The following SHISA9 variants were observed in gnomAD, a reference collection of about 807,000 sequenced individuals.
The protein encoded by SHISA9 is protein shisa-9.
SHISA9 carries 13 observed loss-of-function variants against 38.0 expected under a neutral mutation model. The ratio of observed to expected loss-of-function variants is 0.34; its 90% confidence interval spans 0.22 to 0.54. The LOEUF is 0.54. Ranked by LOEUF, SHISA9 falls within the 20% of genes least tolerant of loss-of-function variation. The pLI is 0.91. For missense variants in SHISA9, 538 were observed against 575.8 expected, an observed-to-expected ratio of 0.93 and a Z score of 0.67; for synonymous variants, 275 against 242.0, an observed-to-expected ratio of 1.14 and a Z score of -1.27.
At chr16:13,518,990 C>T in the SHISA9 span, among the ~76,000 whole-genome samples, 2 of 152,104 alleles carry the variant, frequency 1.3e-5, no homozygotes, top group East Asian at 1.9e-4. Flanking sequence ...ATGGGCTGAT[C>T]GCCTCTCATT....
chr16:13,426,826 T>C, the SHISA9 span, among the ~76,000 whole-genome samples: 1 of 152,234 alleles, frequency 6.6e-6, no homozygotes, highest in South Asian at 2.1e-4. Context: ...TTGACAGTAA[T>C]TAAACACTTC....
intron 2 of SHISA9, among the ~76,000 whole-genome samples, chr16:13,009,967 A>G (rs1051666312): frequency 6.6e-6 from 1 of 152,178 alleles, no homozygotes; most frequent in Non-Finnish European, 1.5e-5. Flanking sequence ...ATTTGAGGTC[A>G]GGAGTTTGAC....
intron 2 of SHISA9, among the ~76,000 whole-genome samples, chr16:13,139,032 T>A (rs898398671): frequency 1.3e-5 from 2 of 152,208 alleles, no homozygotes; most frequent in African/African-American, 4.8e-5. Context: ...GGGTACTAAG[T>A]TGCGAATTAG....
chr16:13,498,436 A>C, the SHISA9 span, among the ~76,000 whole-genome samples: 1 of 152,176 alleles, frequency 6.6e-6, no homozygotes, highest in Non-Finnish European at 1.5e-5. Flanking sequence ...TCCTTTACAC[A>C]ATAATTCTTC....
the SHISA9 span, among the ~76,000 whole-genome samples, chr16:13,491,995 C>G: frequency 6.6e-6 from 1 of 151,286 alleles, no homozygotes; most frequent in Non-Finnish European, 1.5e-5. Flanking sequence ...GGATTTTAAA[C>G]CAGAGCTAGT....
chr16:13,349,757 A>T, the SHISA9 span, among the ~76,000 whole-genome samples: 1 of 152,238 alleles, frequency 6.6e-6, no homozygotes, highest in Non-Finnish European at 1.5e-5. Flanking sequence ...TCTTAGAATC[A>T]TGAAGGTGTA....
chr16:13,067,219 T>C (rs2073445949), intron 2 of SHISA9, among the ~76,000 whole-genome samples: 1 of 152,220 alleles, frequency 6.6e-6, no homozygotes, highest in Non-Finnish European at 1.5e-5. Flanking sequence ...CTGGTCCTGA[T>C]GCAGGAGAAA....
At chr16:12,983,166 C>CAG (rs1161255642) in intron 2 of SHISA9, among the ~76,000 whole-genome samples, 2 of 152,168 alleles carry the variant, frequency 1.3e-5, no homozygotes, top group African/African-American at 4.8e-5. Flanking sequence ...AGCCAGGCTG[C>CAG]AGAGAGAAGT....
chr16:12,949,906 G>T (rs1158279783), intron 2 of SHISA9, among the ~76,000 whole-genome samples: 2 of 152,016 alleles, frequency 1.3e-5, no homozygotes, highest in Admixed American at 6.5e-5. Context: ...TTTGATATAT[G>T]TAATAAATTG....
chr16:13,290,529 G>T, the SHISA9 span, among the ~76,000 whole-genome samples: 2 of 152,242 alleles, frequency 1.3e-5, no homozygotes, highest in East Asian at 1.9e-4. Context: ...TGAGTTTGTC[G>T]TGTTTCCTGT....
the SHISA9 span, among the ~76,000 whole-genome samples, chr16:13,422,804 C>A: frequency 4.8e-3 from 732 of 152,336 alleles, 4 homozygotes; most frequent in Non-Finnish European, 9.0e-3. Context: ...CTGTAATTTT[C>A]ATGACCTTGT....
chr16:13,339,040 C>A, the SHISA9 span, among the ~76,000 whole-genome samples: 1 of 152,086 alleles, frequency 6.6e-6, no homozygotes, highest in Admixed American at 6.6e-5. Flanking sequence ...TGTCACCTGT[C>A]CCCTTGCTGA....
At position 12,927,185 on chromosome 16, in the gene SHISA9, A is replaced by G. The variant is rs186458643; in HGVS notation, c.691+10370A>G. The stretch of plus-strand genomic sequence containing the variant: ...ATAATAAGGTTTTAGGAAACTGCCA[A>G]AAAGAAAAATCCCAATAAGCATTCT... On this transcript the variant is annotated intron_variant, in intron 2 of 4. Transcript: ENST00000558583. Among the ~76,000 whole-genome samples the G allele has an allele frequency of 5.9e-5, 9 of 152,340 alleles. No homozygotes were observed. In the East Asian group the frequency reaches 1.7e-3, roughly 29 times the overall value.
intron 4 of SHISA9, 43 bp from the exon 5 acceptor site, chr16:13,234,987 T>TC (rs1555474321): frequency 2.7e-6 from 4 of 1,490,458 alleles, no homozygotes; most frequent in African/African-American, 1.4e-5. Context: ...TCTCTCTCTC[T>TC]TCTCTTTCTT....
intron 2 of SHISA9, among the ~76,000 whole-genome samples, chr16:13,190,165 G>A (rs1033594931): frequency 2.6e-5 from 4 of 151,174 alleles, no homozygotes; most frequent in African/African-American, 9.7e-5. Flanking sequence ...GTGCCATGCT[G>A]GTGCGCTGCA....
intron 2 of SHISA9, among the ~76,000 whole-genome samples, chr16:12,967,016 T>C (rs1164529382): frequency 6.6e-6 from 1 of 152,210 alleles, no homozygotes; most frequent in African/African-American, 2.4e-5. Flanking sequence ...GGTCCTGTTC[T>C]AGAACTAGGA....
intron 2 of SHISA9, among the ~76,000 whole-genome samples, chr16:13,080,199 C>A (rs2141934467): frequency 6.6e-6 from 1 of 152,124 alleles, no homozygotes; most frequent in East Asian, 1.9e-4. Context: ...TGGTGAAACC[C>A]CATCTCTACT....
chr16:13,019,765 TTTC>T (rs1378310461), intron 2 of SHISA9, among the ~76,000 whole-genome samples: 3 of 19,122 alleles, frequency 1.6e-4, no homozygotes, highest in African/African-American at 6.8e-4. Flanking sequence ...TTTTCTTTCT[TTTC>T]TTTCTTTCTT....
intron 2 of SHISA9, among the ~76,000 whole-genome samples, chr16:12,919,727 T>C (rs1343411745): frequency 6.6e-6 from 1 of 152,192 alleles, no homozygotes; most frequent in African/African-American, 2.4e-5. Context: ...CTGTGATATA[T>C]TGGACTTGCC....
Sources: gnomAD v4.1 joint callset for allele counts (sites outside exome capture counted in the v4.1 genomes callset) on GRCh38, gnomAD v4.1.1 for gene constraint, MANE v1.5 for transcripts, NCBI Gene and HGNC (gene_info 2026-07-23, HGNC 2026-07-21) for gene names.